The following PCDHGA6 variants were observed in gnomAD, a reference collection of about 807,000 sequenced individuals.
PCDHGA6 encodes protocadherin gamma-A6.
PCDHGA6 carries 41 observed loss-of-function variants against 60.6 expected under a neutral mutation model. That is an observed-to-expected ratio of 0.68 (90% CI 0.53 to 0.88). The LOEUF (loss-of-function observed/expected upper bound fraction) is 0.88, where lower values mean the gene tolerates loss of function less well. Among genes scored for constraint, PCDHGA6 ranks in the 40% least tolerant of loss-of-function variants. The pLI is 0.00. For missense variants in PCDHGA6, 1,312 were observed against 1,203.0 expected (o/e 1.09, Z -1.34); for synonymous variants, 594 against 524.4 (o/e 1.13, Z -1.81).
intron 1 of PCDHGA6, chr5:141,413,487 G>A (rs1190400492): frequency 1.9e-6 from 3 of 1,613,928 alleles, no homozygotes; most frequent in African/African-American, 2.7e-5. Context: ...CTCAGAGCGC[G>A]CGGTGCGTGG....
At chr5:141,482,530 CAAAAAAA>C (rs3074545) in intron 1 of PCDHGA6, among the ~76,000 whole-genome samples, 2 of 76,560 alleles carry the variant, frequency 2.6e-5, no homozygotes, top group South Asian at 4.6e-4. Flanking sequence ...GACAGACATG[CAAAAAAA>C]AAAAAAAAAA....
intron 1 of PCDHGA6, chr5:141,421,458 T>C (rs2096575080): frequency 6.2e-7 from 1 of 1,614,122 alleles, no homozygotes; most frequent in Non-Finnish European, 8.5e-7. Flanking sequence ...AGCTTTTCGC[T>C]GTGAATCCGC....
intron 2 of PCDHGA6, among the ~76,000 whole-genome samples, chr5:141,503,596 C>T (rs1267014587): frequency 7.7e-6 from 1 of 129,694 alleles, no homozygotes; most frequent in African/African-American, 3.3e-5. Context: ...GAGACTCCAG[C>T]TCAAAAAAAA....
In PCDHGA6 at chr5:141,431,280, C is replaced by T. The variant is rs2097357763; in HGVS notation, c.2424+54773C>T. The T allele has an allele frequency of 1.9e-6, 3 of 1,614,146 alleles. No homozygotes were observed. Among genetic ancestry groups the T allele is most frequent in the South Asian group, 1.1e-5 (1 of 91,088 alleles). ...TCTCTGCAGAGCTACGAGCTCAGCC[C>T]GAACACTCACTTCTCCCTCATCGTG... On this transcript the variant is annotated intron_variant, in intron 1 of 3. Transcript: ENST00000517434. This position sits in a 1 kb window ranked among gnomAD's most constrained non-coding sequence, Gnocchi z 4.8.
At chr5:141,501,901 C>T (rs1595767273) in intron 2 of PCDHGA6, among the ~76,000 whole-genome samples, 1 of 152,070 alleles carries the variant, frequency 6.6e-6, no homozygotes, top group Non-Finnish European at 1.5e-5. Context: ...TGGTTCCAAC[C>T]CCACTGTTCC....
chr5:141,422,677 C>G, intron 1 of PCDHGA6: 1 of 1,606,186 alleles, frequency 6.2e-7, no homozygotes, highest in Non-Finnish European at 8.5e-7. Context: ...GGACAGCAAA[C>G]AGAATGCCCT....
At chr5:141,420,546 G>A in intron 1 of PCDHGA6, 1 of 284,254 alleles carries the variant, frequency 3.5e-6, no homozygotes, top group South Asian at 1.2e-4. Context: ...ATAAAATACA[G>A]GTATATTTTT....
intron 1 of PCDHGA6, chr5:141,405,016 C>T: frequency 6.2e-7 from 1 of 1,614,006 alleles, no homozygotes; most frequent in Non-Finnish European, 8.5e-7. Flanking sequence ...AGGCCTCAGA[C>T]CTTACCCTCT....
chr5:141,472,337 C>T (rs1327386198), intron 1 of PCDHGA6, among the ~76,000 whole-genome samples: 1 of 151,764 alleles, frequency 6.6e-6, no homozygotes, highest in Non-Finnish European at 1.5e-5. Context: ...GTTGGGAGAT[C>T]GAGACCATCC....
intron 1 of PCDHGA6, chr5:141,399,805 T>G (rs776266997): frequency 6.2e-7 from 1 of 1,613,192 alleles, no homozygotes; most frequent in Admixed American, 1.7e-5. Context: ...GCGGGTGCTG[T>G]ACCCCGCGCT....
chr5:141,421,069 A>T, intron 1 of PCDHGA6: 1 of 598,532 alleles, frequency 1.7e-6, no homozygotes, highest in Non-Finnish European at 2.8e-6. Context: ...AAGCGGAATG[A>T]GATGGATACT....
In PCDHGA6 at chr5:141,476,868, C is replaced by G. The variant is rs1213404395; in HGVS notation, c.2425-17939C>G. On this transcript the variant is annotated intron_variant, in intron 1 of 3. Transcript: ENST00000517434. This position sits in a 1 kb window ranked among gnomAD's most constrained non-coding sequence, Gnocchi z 7.6. Reference sequence around the variant, plus strand: ...GTCTTCAACCAGTCCTTGTACCGGGCGCGCGTCCTGGAGGATGCACCCTCC... The same window carrying G: ...GTCTTCAACCAGTCCTTGTACCGGGGGCGCGTCCTGGAGGATGCACCCTCC... 2.5e-6 allele frequency: 4 copies of G among 1,613,874 alleles called. No homozygotes were observed. Among genetic ancestry groups the G allele is most frequent in the Non-Finnish European group, 3.4e-6 (4 of 1,180,050 alleles).
At chr5:141,478,788 T>A (rs576491824) in intron 1 of PCDHGA6, 147 of 1,473,736 alleles carry the variant, frequency 1.0e-4, no homozygotes, top group Non-Finnish European at 1.3e-4. Context: ...CTAATTCACA[T>A]CCTCAGCACT....
chr5:141,383,147 G>C, intron 1 of PCDHGA6: 1 of 1,614,150 alleles, frequency 6.2e-7, no homozygotes, highest in South Asian at 1.1e-5. Flanking sequence ...CGCAGCGGCA[G>C]CTTGGTCACT....
chr5:141,415,599 C>G (rs201075690), intron 1 of PCDHGA6: 321 of 1,613,514 alleles, frequency 2.0e-4, no homozygotes, highest in South Asian at 6.6e-4. Context: ...TAGAGGATAC[C>G]CCATTGGTTC....
intron 1 of PCDHGA6, among the ~76,000 whole-genome samples, chr5:141,433,989 T>C (rs898601470): frequency 6.6e-6 from 1 of 152,248 alleles, no homozygotes; most frequent in Non-Finnish European, 1.5e-5. Context: ...AGAAGAGTTT[T>C]ATATTCTCTA....
Position 141,431,325 on chromosome 5 carries a change from G to GT in PCDHGA6, c.2424+54819dup, listed in dbSNP as rs1340996903. On this transcript the variant is annotated intron_variant, in intron 1 of 3. Transcript: ENST00000517434. This position sits in a 1 kb window ranked among gnomAD's most constrained non-coding sequence, Gnocchi z 4.8. ...ATCGTGCAAAATGGAGCCGACGGTA[G>GT]TAAGTACCCCGAATTGGTGCTGAAA... 22 of 1,614,028 alleles carry GT rather than the reference G, an allele frequency of 1.4e-5. No homozygotes were observed. In the Admixed American group the frequency reaches 2.5e-4, roughly 18 times the overall value.
intron 1 of PCDHGA6, chr5:141,415,556 CTT>C: frequency 6.2e-7 from 1 of 1,614,078 alleles, no homozygotes; most frequent in Non-Finnish European, 8.5e-7. Context: ...AAAAACGATC[CTT>C]TGTCTTTGTT....
chr5:141,409,237 A>G lies in PCDHGA6; in HGVS notation c.2424+32730A>G, dbSNP rs375806619. The G allele has an allele frequency of 7.2e-5, 116 of 1,614,054 alleles. 2 individuals are homozygous for G. Among genetic ancestry groups the G allele is most frequent in the East Asian group, 6.5e-4 (29 of 44,886 alleles). ...TCCTTGATGAAAACGACAACAGCCC[A>G]GAAATAATCATCACTTCTCTCTCTG... On this transcript the variant is annotated intron_variant, in intron 1 of 3. Coordinates refer to ENST00000517434, the MANE Select transcript of PCDHGA6 (RefSeq NM_018919.3).
Sources: allele counts gnomAD v4.1 joint callset (sites outside exome capture counted in the v4.1 genomes callset), GRCh38; gene constraint gnomAD v4.1.1; non-coding constraint Gnocchi (gnomAD v3.1); transcripts MANE v1.5; gene names NCBI Gene and HGNC (gene_info 2026-07-23, HGNC 2026-07-21).